Variants in KDM1A observed in about 807,000 individuals in gnomAD.
KDM1A encodes lysine demethylase 1A.
KDM1A carries 49 observed loss-of-function variants against 109.4 expected under a neutral mutation model. That is an observed-to-expected ratio of 0.45 (90% CI 0.36 to 0.57). The LOEUF is 0.57. Among genes scored for constraint, KDM1A ranks in the 20% least tolerant of loss-of-function variants. The pLI is 0.00. For missense variants in KDM1A, 668 were observed against 1,116.6 expected (o/e 0.60, Z 5.73); for synonymous variants, 380 against 415.4 (o/e 0.91, Z 1.04).
At chr1:23,039,665 G>A (rs1642249845) in intron 2 of KDM1A, among the ~76,000 whole-genome samples, 1 of 152,174 alleles carries the variant, frequency 6.6e-6, no homozygotes, top group Non-Finnish European at 1.5e-5. Flanking sequence ...CACATACCAT[G>A]TCTGTGCTTT....
chr1:23,041,990 C>T (rs976036749), intron 2 of KDM1A, among the ~76,000 whole-genome samples: 4 of 151,936 alleles, frequency 2.6e-5, no homozygotes, highest in African/African-American at 9.7e-5. Context: ...TGAATCAAAG[C>T]ACCATTGATT....
intron 9 of KDM1A, among the ~76,000 whole-genome samples, chr1:23,063,778 A>G (rs1474029864): frequency 6.6e-6 from 1 of 152,210 alleles, no homozygotes; most frequent in Non-Finnish European, 1.5e-5. Context: ...AACTACTTAG[A>G]CATGTTGTGT....
intron 1 of KDM1A, among the ~76,000 whole-genome samples, chr1:23,021,438 G>C (rs1302000747): frequency 6.6e-6 from 1 of 152,208 alleles, no homozygotes; most frequent in Admixed American, 6.5e-5. Context: ...AAGGCGGGTG[G>C]ATCACCTGTG....
At chr1:23,025,362 C>T (rs1477838198) in intron 1 of KDM1A, among the ~76,000 whole-genome samples, 1 of 146,310 alleles carries the variant, frequency 6.8e-6, no homozygotes, top group Non-Finnish European at 1.5e-5. Context: ...TGAAGTCTCA[C>T]TCTTTTCCCT....
intron 1 of KDM1A, among the ~76,000 whole-genome samples, chr1:23,025,860 G>C (rs556582816): frequency 2.0e-5 from 3 of 152,230 alleles, no homozygotes; most frequent in Non-Finnish European, 2.9e-5. Flanking sequence ...GGGAGGCCAA[G>C]GTGGACAGAT....
Position 23,073,408 on chromosome 1 carries a change from GT to G in KDM1A, c.1734+8del. On this transcript the variant is annotated splice_donor_region_variant and intron_variant, in intron 15 of 20. Coordinates refer to ENST00000400181, the MANE Select transcript of KDM1A (RefSeq NM_001009999.3). ...TCCCTTAAGCACTGGGATCAGGTAA[GT>G]TTCCCTTATTGTTTATTTTATTGCA... 6.7e-7 allele frequency: 1 copy of G among 1,490,296 alleles called. No individual in the cohort carries two copies. Among genetic ancestry groups the G allele is most frequent in the Non-Finnish European group, 9.4e-7 (1 of 1,068,132 alleles). 92.3% of individuals were successfully genotyped at this position (1,490,296 alleles called of 1,614,324 possible). A position where few individuals can be genotyped will look rare whatever the true frequency, so the allele number is the denominator to read the frequency against.
intron 2 of KDM1A, among the ~76,000 whole-genome samples, chr1:23,031,373 GA>G (rs1641975526): frequency 6.6e-6 from 1 of 152,104 alleles, no homozygotes; most frequent in Non-Finnish European, 1.5e-5. Context: ...TTTTGACTTT[GA>G]ATTTTTACTA....
chr1:23,051,940 CAG>C (rs571367444), intron 4 of KDM1A, among the ~76,000 whole-genome samples: 1 of 152,138 alleles, frequency 6.6e-6, no homozygotes, highest in South Asian at 2.1e-4. Context: ...AAAAAGTGAA[CAG>C]AAAATTCTTA....
chr1:23,046,750 G>C (rs1185667959), intron 3 of KDM1A, among the ~76,000 whole-genome samples: 1 of 152,208 alleles, frequency 6.6e-6, no homozygotes, highest in Non-Finnish European at 1.5e-5. Context: ...AGAAAGGGCA[G>C]TTCTGCTTTA....
intron 2 of KDM1A, among the ~76,000 whole-genome samples, chr1:23,038,893 A>T (rs747247462): frequency 5.9e-5 from 9 of 152,236 alleles, no homozygotes; most frequent in Admixed American, 1.3e-4. Flanking sequence ...GTTGGAACTC[A>T]TAATTTCATT....
chr1:23,039,496 T>G (rs1557522662), intron 2 of KDM1A, among the ~76,000 whole-genome samples: 1 of 152,242 alleles, frequency 6.6e-6, no homozygotes, highest in Non-Finnish European at 1.5e-5. Flanking sequence ...GCATTTGTTT[T>G]GTTGTCTTTG....
chr1:23,081,857 A>T, intron 19 of KDM1A: 1 of 444,962 alleles, frequency 2.2e-6, no homozygotes, highest in African/African-American at 2.0e-5. Flanking sequence ...TCCAGTGAGT[A>T]TCTCCGGGAA....
At chr1:23,046,603 G>C (rs1205912014) in intron 3 of KDM1A, among the ~76,000 whole-genome samples, 3 of 152,130 alleles carry the variant, frequency 2.0e-5, no homozygotes, top group Non-Finnish European at 4.4e-5. Flanking sequence ...TAATGGAATA[G>C]AGGACCTGTC....
intron 2 of KDM1A, among the ~76,000 whole-genome samples, chr1:23,041,720 C>T (rs575219125): frequency 6.6e-6 from 1 of 151,966 alleles, no homozygotes; most frequent in South Asian, 2.1e-4. Context: ...GGATTACAGG[C>T]GTGAGCCACT....
At chr1:23,053,236 T>C (rs1642723848) in intron 4 of KDM1A, among the ~76,000 whole-genome samples, 1 of 152,228 alleles carries the variant, frequency 6.6e-6, no homozygotes, top group South Asian at 2.1e-4. Context: ...TTTTCTCTTT[T>C]AGGCTAAATA....
chr1:23,041,720 C>CGT (rs930103467), intron 2 of KDM1A, among the ~76,000 whole-genome samples: 6 of 151,846 alleles, frequency 4.0e-5, no homozygotes, highest in African/African-American at 1.5e-4. Context: ...GGATTACAGG[C>CGT]GTGAGCCACT....
chr1:23,082,493 C>G (rs1168105555), intron 20 of KDM1A, 127 bp downstream of exon 20: 4 of 935,632 alleles, frequency 4.3e-6, no homozygotes, highest in Non-Finnish European at 6.1e-6. Flanking sequence ...TAACCAAGAG[C>G]AGAGTTAAAA....
chr1:23,045,597 T>C lies in KDM1A; in HGVS notation c.577+1111T>C, dbSNP rs575616216. Among the ~76,000 whole-genome samples, 3 of 152,292 alleles carry C rather than the reference T, an allele frequency of 2.0e-5. No individual in the cohort carries two copies. In the East Asian group the frequency reaches 5.8e-4, roughly 29 times the overall value. On this transcript the variant is annotated intron_variant, in intron 3 of 20. Transcript: ENST00000400181. ...CGCACAATTAGATCTTCCATGGAAC[T>C]GTTGAAGATCAGGGATGGCCTTTAG... is the stretch of plus-strand genomic sequence containing the variant.
chr1:23,051,297 T>C (rs1011961015), intron 4 of KDM1A, among the ~76,000 whole-genome samples: 1 of 152,320 alleles, frequency 6.6e-6, no homozygotes, highest in African/African-American at 2.4e-5. Context: ...TTTGCTTTAT[T>C]ATAATTAACT....
Sources: allele counts gnomAD v4.1 joint callset (sites outside exome capture counted in the v4.1 genomes callset), GRCh38; gene constraint gnomAD v4.1.1; transcripts MANE v1.5; gene names NCBI Gene and HGNC (gene_info 2026-07-23, HGNC 2026-07-21).